The following ADAMTS16 variants were observed in gnomAD, a reference collection of about 807,000 sequenced individuals.
ADAMTS16 encodes ADAM metallopeptidase with thrombospondin type 1 motif 16.
ADAMTS16 carries 94 observed loss-of-function variants against 145.8 expected under a neutral mutation model. The ratio of observed to expected loss-of-function variants is 0.64; its 90% CI spans 0.55 to 0.77. The LOEUF is 0.77. ADAMTS16 is among the 30% of genes least tolerant of loss of function. The probability of loss-of-function intolerance (pLI) is 0.00; values close to 1 mark genes in which losing one functional copy is unlikely to be tolerated. For missense variants in ADAMTS16, 1,585 were observed against 1,591.5 expected, an observed-to-expected ratio of 1.00 and a Z score of 0.07; for synonymous variants, 659 against 604.3, an observed-to-expected ratio of 1.09 and a Z score of -1.33.
rs78477203 is a variant in ADAMTS16 at position 5,181,666 on chromosome 5, C to A, written c.502-378C>A. On this transcript the variant is annotated intron_variant, in intron 3 of 22. Coordinates refer to ENST00000274181, the MANE Select transcript of ADAMTS16 (RefSeq NM_139056.4). ...TAATTTTGATCACTTTATCTGAGAC[C>A]CCTCACCAATATGAATATTTAATAT... is the stretch of plus-strand genomic sequence containing the variant. Among the ~76,000 whole-genome samples the A allele has an allele frequency of 8.5e-3, 1,297 of 152,176 alleles. 24 individuals are homozygous for A. Among genetic ancestry groups the A allele is most frequent in the African/African-American group, 0.03 (1,244 of 41,490 alleles).
At chr5:5,192,836 T>C (rs2126579396) in intron 8 of ADAMTS16, among the ~76,000 whole-genome samples, 1 of 152,276 alleles carries the variant, frequency 6.6e-6, no homozygotes, top group East Asian at 1.9e-4. Context: ...GTATCGTCTG[T>C]TAAATAAAAA....
chr5:5,153,156 A>C (rs1178607567), intron 3 of ADAMTS16, among the ~76,000 whole-genome samples: 1 of 152,208 alleles, frequency 6.6e-6, no homozygotes, highest in Non-Finnish European at 1.5e-5. Flanking sequence ...AGGGGTAATG[A>C]CTTTCTCATT....
chr5:5,244,419 G>A (rs1407009402), intron 17 of ADAMTS16, among the ~76,000 whole-genome samples: 6 of 152,250 alleles, frequency 3.9e-5, no homozygotes, highest in East Asian at 3.9e-4. Flanking sequence ...CAAAACCTTC[G>A]ACAGGGTAAG....
At chr5:5,250,498 T>C (rs1253655178) in intron 17 of ADAMTS16, among the ~76,000 whole-genome samples, 2 of 152,198 alleles carry the variant, frequency 1.3e-5, no homozygotes. Context: ...TCTTAAAGCA[T>C]AACTCAAACC....
chr5:5,298,481 G>C, intron 18 of ADAMTS16, among the ~76,000 whole-genome samples: 1 of 82,882 alleles, frequency 1.2e-5, no homozygotes, highest in East Asian at 3.6e-4. Flanking sequence ...GCCAACCGAG[G>C]AGGATGGCAA....
intron 3 of ADAMTS16, among the ~76,000 whole-genome samples, chr5:5,155,087 A>T (rs1182032629): frequency 6.6e-6 from 1 of 152,234 alleles, no homozygotes; most frequent in East Asian, 1.9e-4. Context: ...TGAAGGCAGG[A>T]TCTTGCTTTG....
intron 9 of ADAMTS16, among the ~76,000 whole-genome samples, chr5:5,208,619 A>T (rs983119248): frequency 6.6e-6 from 1 of 152,344 alleles, no homozygotes; most frequent in South Asian, 2.1e-4. Context: ...TACAATCTCG[A>T]AGATAATATA....
At chr5:5,287,917 C>G (rs1739163264) in intron 18 of ADAMTS16, among the ~76,000 whole-genome samples, 1 of 152,128 alleles carries the variant, frequency 6.6e-6, no homozygotes, top group Non-Finnish European at 1.5e-5. Flanking sequence ...GCAGGTCAGC[C>G]TCAAAGCATC....
chr5:5,201,728 C>A (rs1358778378), intron 9 of ADAMTS16, among the ~76,000 whole-genome samples: 2 of 152,016 alleles, frequency 1.3e-5, no homozygotes, highest in Non-Finnish European at 2.9e-5. Context: ...GGCTAGGAAA[C>A]GAGATTATCT....
chr5:5,183,538 C>T (rs1389716241), intron 4 of ADAMTS16, among the ~76,000 whole-genome samples: 6 of 152,294 alleles, frequency 3.9e-5, no homozygotes, highest in South Asian at 4.1e-4. Context: ...ATAGCAGGGC[C>T]GTCTTAACCG....
intron 8 of ADAMTS16, among the ~76,000 whole-genome samples, chr5:5,199,364 C>G (rs1735896019): frequency 6.6e-6 from 1 of 152,184 alleles, no homozygotes; most frequent in South Asian, 2.1e-4. Flanking sequence ...TACCTGTACT[C>G]TGAGCCAGGT....
At chr5:5,241,771 A>G (rs149396386) in intron 16 of ADAMTS16, among the ~76,000 whole-genome samples, 2 of 152,284 alleles carry the variant, frequency 1.3e-5, no homozygotes, top group African/African-American at 4.8e-5. Flanking sequence ...ATAACTTAGA[A>G]ATGCTTTTTC....
At chr5:5,219,931 A>G (rs1344587942) in intron 10 of ADAMTS16, among the ~76,000 whole-genome samples, 1 of 152,216 alleles carries the variant, frequency 6.6e-6, no homozygotes, top group African/African-American at 2.4e-5. Flanking sequence ...GTTACTCTGA[A>G]TGGTAGTCTG....
At chr5:5,212,214 GTTTTT>G (rs563286650) in intron 10 of ADAMTS16, among the ~76,000 whole-genome samples, 1 of 100,622 alleles carries the variant, frequency 9.9e-6, no homozygotes, top group Admixed American at 1.3e-4. Context: ...GTTTTGTTTT[GTTTTT>G]TTTTTTGAGA....
intron 18 of ADAMTS16, among the ~76,000 whole-genome samples, chr5:5,282,541 T>C (rs1738960088): frequency 6.6e-6 from 1 of 152,196 alleles, no homozygotes; most frequent in Non-Finnish European, 1.5e-5. Flanking sequence ...TCCCCGCCCT[T>C]CCCTGTGGCG....
At chr5:5,267,715 G>A (rs1738295312) in intron 18 of ADAMTS16, among the ~76,000 whole-genome samples, 2 of 152,136 alleles carry the variant, frequency 1.3e-5, no homozygotes, top group South Asian at 4.1e-4. Context: ...CCCAGGATGG[G>A]GGCATAGTGG....
At chr5:5,149,718 T>G (rs1289317138) in intron 3 of ADAMTS16, among the ~76,000 whole-genome samples, 1 of 152,196 alleles carries the variant, frequency 6.6e-6, no homozygotes, top group Non-Finnish European at 1.5e-5. Flanking sequence ...TGGGCAGTTC[T>G]CACTTCCCCT....
At chr5:5,301,349 C>T (rs1739761653) in intron 18 of ADAMTS16, among the ~76,000 whole-genome samples, 1 of 152,188 alleles carries the variant, frequency 6.6e-6, no homozygotes, top group Admixed American at 6.5e-5. Flanking sequence ...AATTACAGTG[C>T]TGGGATTACA....
intron 9 of ADAMTS16, among the ~76,000 whole-genome samples, chr5:5,207,819 G>T (rs1736169490): frequency 6.6e-6 from 1 of 151,550 alleles, no homozygotes; most frequent in Non-Finnish European, 1.5e-5. Flanking sequence ...TGATGTAATA[G>T]ATTACATTAA....
Sources: gnomAD v4.1 joint callset for allele counts (sites outside exome capture counted in the v4.1 genomes callset) on GRCh38, gnomAD v4.1.1 for gene constraint, MANE v1.5 for transcripts, NCBI Gene and HGNC (gene_info 2026-07-23, HGNC 2026-07-21) for gene names.